Variants in CLEC16A observed in about 807,000 individuals in gnomAD.
CLEC16A encodes C-type lectin domain containing 16A, also known as protein CLEC16A.
A neutral mutation model predicts 109.5 loss-of-function variants in CLEC16A; 51 were observed. The observed-to-expected ratio is 0.47, with a 90% confidence interval of 0.37 to 0.59. The LOEUF is 0.59. CLEC16A is among the 20% of genes least tolerant of loss of function. The probability of loss-of-function intolerance (pLI) is 0.00; values close to 1 mark genes in which losing one functional copy is unlikely to be tolerated. For missense variants in CLEC16A, 1,339 were observed against 1,394.0 expected, an observed-to-expected ratio of 0.96 and a Z score of 0.63; for synonymous variants, 673 against 564.2, an observed-to-expected ratio of 1.19 and a Z score of -2.73.
At chr16:11,012,577 A>AGAGTGAGAC (rs2045490463) in intron 11 of CLEC16A, among the ~76,000 whole-genome samples, 1 of 132,458 alleles carries the variant, frequency 7.5e-6, no homozygotes, top group Admixed American at 8.0e-5. Flanking sequence ...CCTGGGCGAT[A>AGAGTGAGAC]GAGTGAGACT....
chr16:11,010,811 C>A (rs1337561867), intron 11 of CLEC16A, among the ~76,000 whole-genome samples: 1 of 152,242 alleles, frequency 6.6e-6, no homozygotes, highest in Admixed American at 6.5e-5. Context: ...TACTCCGGAA[C>A]ATTTCCACGA....
intron 19 of CLEC16A, among the ~76,000 whole-genome samples, chr16:11,099,125 G>A (rs1276776071): frequency 6.6e-6 from 1 of 152,254 alleles, no homozygotes; most frequent in African/African-American, 2.4e-5. Flanking sequence ...CATGTGGCCA[G>A]AGCGCCCCAT....
In CLEC16A at chr16:11,179,233, G is replaced by C. The variant is rs1441947449; in HGVS notation, c.*543G>C. ...TAAGGTTTGATGTCATGTGAAAAGT[G>C]TAATAATAACAGTTAAGATTTCATG... On this transcript the variant is annotated 3_prime_UTR_variant, in exon 24 of 24. Coordinates refer to ENST00000409790, the MANE Select transcript of CLEC16A (RefSeq NM_015226.3). 6.6e-6 allele frequency: 1 copy of C among 152,474 alleles called. No individual in the cohort carries two copies. Among genetic ancestry groups the C allele is most frequent in the South Asian group, 2.1e-4 (1 of 4,838 alleles). The allele number at this position is 152,474 out of a possible 1,614,324, so 9.4% of individuals were successfully genotyped here.
rs1421451812 is a variant in CLEC16A, at chr16:10,961,798, A to G, written c.210-657A>G. 6.6e-6 allele frequency among the ~76,000 whole-genome samples: 1 copy of G among 152,070 alleles called. No individual in the cohort carries two copies. Among genetic ancestry groups the G allele is most frequent in the African/African-American group, 2.4e-5 (1 of 41,402 alleles). On this transcript the variant is annotated intron_variant, in intron 2 of 23. Coordinates refer to ENST00000409790, the MANE Select transcript of CLEC16A (RefSeq NM_015226.3). The surrounding 1 kb of genome is among the most constrained non-coding windows in gnomAD (Gnocchi z 4.3). ...CTCCTCTGTTCCGTGACTCTTTTTTAGTCTTCTGTTGTTTTTACGACCCTG... is the reference window on the plus strand; with the variant it reads ...CTCCTCTGTTCCGTGACTCTTTTTTGGTCTTCTGTTGTTTTTACGACCCTG...
At chr16:11,031,742 C>T (rs2046753698) in intron 13 of CLEC16A, among the ~76,000 whole-genome samples, 1 of 152,076 alleles carries the variant, frequency 6.6e-6, no homozygotes, top group East Asian at 1.9e-4. Context: ...TAAAATAATC[C>T]CATGTAGCGA....
intron 22 of CLEC16A, among the ~76,000 whole-genome samples, chr16:11,147,131 C>G (rs1295942325): frequency 6.6e-6 from 1 of 151,838 alleles, no homozygotes; most frequent in African/African-American, 2.4e-5. Flanking sequence ...GATGTCTCAG[C>G]CCACAGGCTG....
intron 1 of CLEC16A, 137 bp from the exon 2 acceptor site, chr16:10,957,644 TA>T: frequency 1.2e-6 from 1 of 832,708 alleles, no homozygotes; most frequent in Non-Finnish European, 1.9e-6. Flanking sequence ...GAGTTACATC[TA>T]ATCTGAATGG....
intron 19 of CLEC16A, among the ~76,000 whole-genome samples, chr16:11,107,137 C>G (rs2051272524): frequency 6.6e-6 from 1 of 152,230 alleles, no homozygotes; most frequent in South Asian, 2.1e-4. Context: ...ACCTTAAAAC[C>G]AAGCAGTAGG....
rs372938841 is a variant in CLEC16A, at chr16:11,132,812, G to T, written c.2641+6666G>T. Among the ~76,000 whole-genome samples the T allele has an allele frequency of 1.1e-3, 175 of 152,306 alleles. 3 individuals are homozygous for T. In the East Asian group the frequency reaches 0.019, roughly 17 times the overall value. On this transcript the variant is annotated intron_variant, in intron 22 of 23. Coordinates refer to ENST00000409790, the MANE Select transcript of CLEC16A (RefSeq NM_015226.3). Reference sequence around the variant, plus strand: ...GCTCATGGATGCCTATGAAGTAGTTGCTCAGTGAATACCGATGTGTGGGCG... The same window carrying T: ...GCTCATGGATGCCTATGAAGTAGTTTCTCAGTGAATACCGATGTGTGGGCG...
Position 11,126,165 on chromosome 16 carries a change from C to T in CLEC16A, c.2641+19C>T, listed in dbSNP as rs199892624. 9.8e-5 allele frequency: 158 copies of T among 1,613,784 alleles called. 4 individuals carry two copies. The South Asian group carries it at 1.6e-3, about 17-fold the overall frequency. ...GTGCCAGGTGAGCCAGCCCCCCGCC[C>T]TGCGCCACAGCTCGTTCATCATGGT... On this transcript the variant is annotated intron_variant, in intron 22 of 23. Coordinates refer to ENST00000409790, the MANE Select transcript of CLEC16A (RefSeq NM_015226.3).
At position 11,042,235 on chromosome 16, in the gene CLEC16A, A is replaced by T; in HGVS notation, c.1661-19A>T. ...GCCCCACCCTGGGTGTGCAAGGCTT[A>T]CCCTGGTGTGCTCTGCAGATGGGAA... On this transcript the variant is annotated intron_variant, in intron 14 of 23. Transcript: ENST00000409790. 6.4e-7 allele frequency: 1 copy of T among 1,558,630 alleles called. No individual in the cohort carries two copies. Among genetic ancestry groups the T allele is most frequent in the South Asian group, 1.2e-5 (1 of 84,538 alleles).
At chr16:11,150,530 G>A (rs934281187) in intron 22 of CLEC16A, among the ~76,000 whole-genome samples, 5 of 152,182 alleles carry the variant, frequency 3.3e-5, no homozygotes, top group Admixed American at 6.5e-5. Context: ...CTGTGTGCAC[G>A]TGCAGTACAA....
chr16:11,147,146 A>T (rs13331231), intron 22 of CLEC16A, among the ~76,000 whole-genome samples: 12 of 151,978 alleles, frequency 7.9e-5, no homozygotes, highest in African/African-American at 2.9e-4. Context: ...AGGCTGCCCA[A>T]TCCCCAAGGA....
At chr16:11,082,000 C>G (rs112532999) in intron 19 of CLEC16A, among the ~76,000 whole-genome samples, 1,941 of 152,214 alleles carry the variant, frequency 0.013, 19 homozygotes, top group Middle Eastern at 0.031. Context: ...CTACTGCACT[C>G]CAGCCTGGGC....
intron 22 of CLEC16A, among the ~76,000 whole-genome samples, chr16:11,138,661 C>T (rs995845564): frequency 2.6e-5 from 4 of 152,254 alleles, no homozygotes; most frequent in Non-Finnish European, 4.4e-5. Context: ...CCATTTGCCA[C>T]TTACTTGTAC....
intron 22 of CLEC16A, among the ~76,000 whole-genome samples, chr16:11,161,362 G>A (rs78358288): frequency 0.013 from 1,961 of 152,312 alleles, 49 homozygotes; most frequent in African/African-American, 0.045. Context: ...GCTGAGCTGC[G>A]TGAGCCATGA....
intron 19 of CLEC16A, among the ~76,000 whole-genome samples, chr16:11,102,852 C>T (rs1236520347): frequency 2.6e-5 from 4 of 152,242 alleles, no homozygotes; most frequent in African/African-American, 9.6e-5. Flanking sequence ...CATAGTAACA[C>T]TATAGGGACA....
At chr16:10,965,707 G>A (rs1025714135) in intron 3 of CLEC16A, among the ~76,000 whole-genome samples, 9 of 152,206 alleles carry the variant, frequency 5.9e-5, no homozygotes, top group African/African-American at 1.9e-4. Flanking sequence ...ACAGGCTCCC[G>A]GGTTTATTAG....
chr16:10,969,480 T>A (rs1013002587), intron 4 of CLEC16A, among the ~76,000 whole-genome samples, 171 bp downstream of exon 4: 16 of 151,990 alleles, frequency 1.1e-4, no homozygotes, highest in South Asian at 2.1e-4. Context: ...GTTTAAAAAA[T>A]TTTTTTAATT....
Sources: allele counts gnomAD v4.1 joint callset (sites outside exome capture counted in the v4.1 genomes callset), GRCh38; gene constraint gnomAD v4.1.1; non-coding constraint Gnocchi (gnomAD v3.1); transcripts MANE v1.5; gene names NCBI Gene and HGNC (gene_info 2026-07-23, HGNC 2026-07-21).